Variants in NOTCH3 observed in about 807,000 individuals in gnomAD.
NOTCH3 encodes neurogenic locus notch homolog protein 3.
In NOTCH3, 86 loss-of-function variants were observed where a neutral mutation model predicts 213.3. The ratio of observed to expected loss-of-function variants is 0.40; its 90% CI spans 0.34 to 0.48. The LOEUF (loss-of-function observed/expected upper bound fraction) is 0.48, where lower values mean the gene tolerates loss of function less well. Among genes scored for constraint, NOTCH3 ranks in the 20% least tolerant of loss-of-function variants. NOTCH3 has a pLI of 0.57. For missense variants in NOTCH3, 2,783 were observed against 3,272.6 expected (o/e 0.85, Z 3.65); for synonymous variants, 1,354 against 1,355.9 (o/e 1.00, Z 0.03).
intron 2 of NOTCH3, among the ~76,000 whole-genome samples, chr19:15,195,005 A>G (rs2046958544): frequency 6.6e-6 from 1 of 151,704 alleles, no homozygotes; most frequent in Non-Finnish European, 1.5e-5. Flanking sequence ...CTCAGACCCC[A>G]GGACACAACC....
At chr19:15,175,281 C>T (rs1458599400) in intron 24 of NOTCH3, among the ~76,000 whole-genome samples, 4 of 148,480 alleles carry the variant, frequency 2.7e-5, no homozygotes, top group Non-Finnish European at 5.9e-5. Context: ...GCCTCTAATT[C>T]CAGCACTTTG....
Position 15,181,763 on chromosome 19 carries a change from C to A in NOTCH3, c.2605G>T (p.Gly869Cys), listed in dbSNP as rs1324198688. ...LNGGSCQDGV[G>C]SFSCSCLPGF... ...GGGAGGCAGGAGCAGGAAAAGGAGC[C>A]CACGCCGTCTTGGCACGAGCCACCG... The change falls in exon 17 of 33, where the codon GGC (glycine) becomes TGC (cysteine). Residue 869 changes from glycine to cysteine, a missense_variant. Gly to Cys is a radical substitution (Grantham distance 159, BLOSUM62 -3). Around this residue, in one of 6 missense-constraint regions of NOTCH3, gnomAD observed 861 missense variants for 909.1 expected, o/e 0.95. Transcript: ENST00000263388. 1 of 1,569,914 alleles carries A rather than the reference C, an allele frequency of 6.4e-7. No homozygotes were observed. Among genetic ancestry groups the A allele is most frequent in the Non-Finnish European group, 8.6e-7 (1 of 1,157,056 alleles).
In NOTCH3 at chr19:15,170,507, C is replaced by T. The variant is rs2145400346; in HGVS notation, c.4938G>A (p.Leu1646=). 6.2e-7 allele frequency: 1 copy of T among 1,610,298 alleles called. No homozygotes were observed. The highest frequency in any genetic ancestry group is 8.5e-7 in the Non-Finnish European group (1 of 1,179,956). The part of the protein sequence containing the change: ...PPEPSVPLLP[L]LVAGAVLLLV... ...GCAGCAAGACAGCGCCCGCCACTAG[C>T]AGTGGCAGCAGCGGGACGCTGGGTT... The change falls in exon 27 of 33, where the codon CTG becomes CTA. Residue 1646 remains leucine, a synonymous_variant. Coordinates refer to ENST00000263388, the MANE Select transcript of NOTCH3 (RefSeq NM_000435.3).
At position 15,180,972 on chromosome 19, in the gene NOTCH3, G is replaced by A. The variant is rs1340887693; in HGVS notation, c.2983C>T (p.Pro995Ser). 3 of 1,592,922 alleles carry A rather than the reference G, an allele frequency of 1.9e-6. No homozygotes were observed. In the East Asian group the frequency reaches 6.9e-5, roughly 36 times the overall value. ...GTAACTCCACCCACCTGGCACTGCG[G>A]GCCCGTGAAGCTCTCGAGGCAGGTG... is the stretch of plus-strand genomic sequence containing the variant. ...RCTCLESFTG[P>S]QCQTLVDWCS... Residue 995 changes from proline (P) to serine (S), a missense_variant, in exon 18 of 33, where the codon CCG becomes TCG. Transcript: ENST00000263388.
chr19:15,179,689 CT>C, intron 20 of NOTCH3, 193 bp from the exon 21 acceptor site: 2 of 644,430 alleles, frequency 3.1e-6, no homozygotes, highest in Admixed American at 4.7e-5. Flanking sequence ...CGAGACCAGC[CT>C]GGCCAACATG....
chr19:15,189,454 A>C (rs766007257), intron 6 of NOTCH3, 26 bp from the exon 7 acceptor site: 1 of 1,613,158 alleles, frequency 6.2e-7, no homozygotes, highest in Non-Finnish European at 8.5e-7. Flanking sequence ...CAGAAGTCAT[A>C]GGCAGATCTT....
intron 17 of NOTCH3, 85 bp downstream of exon 17, chr19:15,181,491 A>G: frequency 8.8e-7 from 1 of 1,134,428 alleles, no homozygotes; most frequent in Non-Finnish European, 1.3e-6. Context: ...GACTCCCCCA[A>G]GTCGTTGCTG....
At chr19:15,167,673 C>A (rs1384542982) in intron 28 of NOTCH3, among the ~76,000 whole-genome samples, 2 of 152,136 alleles carry the variant, frequency 1.3e-5, no homozygotes, top group Non-Finnish European at 2.9e-5. Flanking sequence ...CCTGCCTCAG[C>A]CTCTGGAGTA....
At position 15,185,319 on chromosome 19, in the gene NOTCH3, G is replaced by T; in HGVS notation, c.2234C>A (p.Ala745Asp). 1 of 1,612,512 alleles carries T rather than the reference G, an allele frequency of 6.2e-7. No individual in the cohort carries two copies. The highest frequency in any genetic ancestry group is 8.5e-7 in the Non-Finnish European group (1 of 1,179,836). ...RDACESQPCR[A>D]GGTCSSDGMG... is the part of the protein sequence containing the mutation. ...TCCATCGCTGCTGCATGTCCCACCGGCCCTGCACGGCTGGGACTCACAGGC... is the reference window on the plus strand; with the variant it reads ...TCCATCGCTGCTGCATGTCCCACCGTCCCTGCACGGCTGGGACTCACAGGC... The change falls in exon 14 of 33, where the codon GCC becomes GAC. Residue 745 changes from alanine (A) to aspartate (D), a missense_variant. By Grantham distance (126) the Ala-to-Asp change is moderately radical. Transcript: ENST00000263388. This position sits in a 1 kb window ranked among gnomAD's most constrained non-coding sequence, Gnocchi z 4.2.
chr19:15,181,251 A>G, intron 17 of NOTCH3, 89 bp from the exon 18 acceptor site: 1 of 1,205,060 alleles, frequency 8.3e-7, no homozygotes, highest in South Asian at 1.3e-5. Context: ...AGCGCTGGGG[A>G]CGTCCCACTC....
chr19:15,167,461 G>A (rs892748135), intron 28 of NOTCH3, 50 bp from the exon 29 acceptor site: 2 of 1,574,224 alleles, frequency 1.3e-6, no homozygotes, highest in Non-Finnish European at 1.7e-6. Flanking sequence ...TGGTGCTGGG[G>A]AGAGCCACTG....
chr19:15,184,274 C>T (rs1012591272), intron 16 of NOTCH3, 21 bp downstream of exon 16: 2 of 1,612,770 alleles, frequency 1.2e-6, no homozygotes, highest in African/African-American at 2.7e-5. Flanking sequence ...GCAGCACCCC[C>T]AAGAGCTCCC....
chr19:15,197,630 A>C, intron 1 of NOTCH3, 52 bp from the exon 2 acceptor site: 9 of 1,550,890 alleles, frequency 5.8e-6, no homozygotes, highest in Non-Finnish European at 8.0e-6. Flanking sequence ...CAGGAACCCC[A>C]GGCCCAAGTG....
At position 15,179,384 on chromosome 19, in the gene NOTCH3, G is replaced by A. The variant is rs772500978; in HGVS notation, c.3440C>T (p.Ser1147Phe). The change falls in exon 21 of 33, where the codon TCC (serine) becomes TTC (phenylalanine). Residue 1147 changes from serine to phenylalanine, a missense_variant. By Grantham distance (155) the Ser-to-Phe change is radical. Transcript: ENST00000263388. The stretch of plus-strand genomic sequence containing the variant: ...CATACCCAGCGTTCCTGGGGGACAG[G>A]AGCAGAGATAGCGGGCCACGAGGTC... ...CIDLVARYLC[S>F]CPPGTLGVLC... The A allele has an allele frequency of 6.2e-6, 10 of 1,614,110 alleles. No individual in the cohort carries two copies. Among genetic ancestry groups the A allele is most frequent in the Non-Finnish European group, 8.5e-6 (10 of 1,180,040 alleles).
intron 6 of NOTCH3, 29 bp from the exon 7 acceptor site, chr19:15,189,457 C>T (rs1015940947): frequency 2.5e-6 from 4 of 1,612,914 alleles, no homozygotes; most frequent in Non-Finnish European, 3.4e-6. Context: ...AAGTCATAGG[C>T]AGATCTTCCT....
chr19:15,178,296 G>T (rs1360945474), intron 23 of NOTCH3: 2 of 534,542 alleles, frequency 3.7e-6, no homozygotes, highest in East Asian at 6.3e-5. Context: ...ACCCCACCTG[G>T]CAGATAAGCC....
rs771045579 is a variant in NOTCH3 at position 15,170,342 on chromosome 19, C to A, written c.5103G>T (p.Ala1701=). Residue 1701 remains alanine (A), a synonymous_variant, in exon 27 of 33, where the codon GCG becomes GCT. Coordinates refer to ENST00000263388, the MANE Select transcript of NOTCH3 (RefSeq NM_000435.3). ...KGRREPVGQD[A]LGMKNMAKGE... ...AGCAGGGTTCTCACTTCATGCCCAG[C>A]GCGTCCTGGCCCACGGGTTCCCGCC... is the stretch of plus-strand genomic sequence containing the variant. The A allele has an allele frequency of 3.1e-6, 5 of 1,612,856 alleles. No homozygotes were observed. The highest frequency in any genetic ancestry group is 1.3e-5 in the African/African-American group (1 of 74,934).
At chr19:15,167,467 C>T in intron 28 of NOTCH3, 56 bp from the exon 29 acceptor site, 5 of 1,561,346 alleles carry the variant, frequency 3.2e-6, no homozygotes. Flanking sequence ...TGGGGAGAGC[C>T]ACTGCCAGGG....
At position 15,180,846 on chromosome 19, in the gene NOTCH3, A is replaced by C. The variant is rs1174684530; in HGVS notation, c.2995-18T>G. 1.9e-6 allele frequency: 3 copies of C among 1,612,242 alleles called. No individual in the cohort carries two copies. In the South Asian group the frequency reaches 3.3e-5, roughly 18 times the overall value. ...ACCAGCGTCTGGAGGGGAAGCACTC[A>C]GAGTCAGTACTGTGGGGTGGGGGGT... On this transcript the variant is annotated intron_variant, in intron 18 of 32. Transcript: ENST00000263388.
Sources: gnomAD v4.1 joint callset for allele counts (sites outside exome capture counted in the v4.1 genomes callset) on GRCh38, gnomAD v4.1.1 for gene constraint, gnomAD v4.1.1 regional missense constraint, Gnocchi (gnomAD v3.1) non-coding constraint, MANE v1.5 for transcripts, NCBI Gene and HGNC (gene_info 2026-07-23, HGNC 2026-07-21) for gene names.